Variants in ITGBL1 observed in about 807,000 individuals in gnomAD.
ITGBL1 encodes integrin subunit beta like 1.
Under a neutral mutation model 68.5 loss-of-function variants are expected in ITGBL1, and 51 were observed. The observed-to-expected ratio is 0.74, with a 90% CI of 0.59 to 0.94. The LOEUF (loss-of-function observed/expected upper bound fraction) is 0.94. Among genes scored for constraint, ITGBL1 ranks in the 40% least tolerant of loss-of-function variants. ITGBL1 has a pLI of 0.00. For missense variants in ITGBL1, 649 were observed against 647.4 expected (o/e 1.00, Z -0.03); for synonymous variants, 209 against 227.3 (o/e 0.92, Z 0.72).
intron 7 of ITGBL1, among the ~76,000 whole-genome samples, chr13:101,626,119 C>T (rs1477176730): frequency 6.6e-6 from 1 of 152,142 alleles, no homozygotes; most frequent in Non-Finnish European, 1.5e-5. Flanking sequence ...ACGGTATCAG[C>T]ATCAAATTGT....
intron 7 of ITGBL1, among the ~76,000 whole-genome samples, chr13:101,636,329 A>G (rs1418357087): frequency 6.6e-6 from 1 of 152,154 alleles, no homozygotes; most frequent in Non-Finnish European, 1.5e-5. Flanking sequence ...TAATACTCAA[A>G]CATATATCCA....
intron 6 of ITGBL1, among the ~76,000 whole-genome samples, chr13:101,590,980 T>G (rs960836949): frequency 5.9e-5 from 9 of 152,100 alleles, no homozygotes; most frequent in African/African-American, 2.2e-4. Flanking sequence ...CTCGGCTCAC[T>G]GCAACCTCCG....
chr13:101,657,049 G>A (rs917532270), intron 7 of ITGBL1, among the ~76,000 whole-genome samples: 3 of 151,450 alleles, frequency 2.0e-5, no homozygotes, highest in Non-Finnish European at 4.4e-5. Flanking sequence ...CTGGTGCGCT[G>A]CACCCACTAA....
At chr13:101,459,380 TTATG>T (rs1388589496) in intron 2 of ITGBL1, among the ~76,000 whole-genome samples, 3 of 152,342 alleles carry the variant, frequency 2.0e-5, no homozygotes, top group African/African-American at 7.2e-5. Context: ...GAGCATGATT[TTATG>T]TATGTATGTA....
chr13:101,599,651 A>G (rs899697838), intron 7 of ITGBL1, among the ~76,000 whole-genome samples: 3 of 152,056 alleles, frequency 2.0e-5, no homozygotes, highest in Non-Finnish European at 4.4e-5. Context: ...AGCTTTCTAC[A>G]TATGGCTAGC....
intron 8 of ITGBL1, among the ~76,000 whole-genome samples, chr13:101,693,797 G>A (rs1357962572): frequency 6.6e-6 from 1 of 152,052 alleles, no homozygotes; most frequent in Admixed American, 6.6e-5. Flanking sequence ...GTGAGTTGAG[G>A]GGAAAAGCCC....
intron 9 of ITGBL1, 145 bp downstream of exon 9, chr13:101,707,047 A>G: frequency 1.3e-6 from 1 of 761,014 alleles, no homozygotes; most frequent in Non-Finnish European, 2.0e-6. Flanking sequence ...TGAAGCTTGA[A>G]GATTAACCAA....
intron 7 of ITGBL1, among the ~76,000 whole-genome samples, chr13:101,605,738 A>G (rs202232578): frequency 1.5e-4 from 22 of 151,268 alleles, no homozygotes; most frequent in East Asian, 3.9e-4. Context: ...ACGTATGTAG[A>G]CATATGTATG....
intron 2 of ITGBL1, among the ~76,000 whole-genome samples, chr13:101,484,878 T>C (rs1349804264): frequency 6.6e-6 from 1 of 151,956 alleles, no homozygotes; most frequent in Non-Finnish European, 1.5e-5. Flanking sequence ...AGACGCTCAA[T>C]AAACTTGAAC....
At chr13:101,679,418 T>G (rs1226669554) in intron 7 of ITGBL1, among the ~76,000 whole-genome samples, 1 of 152,220 alleles carries the variant, frequency 6.6e-6, no homozygotes, top group African/African-American at 2.4e-5. Context: ...ATAGGACTTA[T>G]GTATTCAGAA....
intron 2 of ITGBL1, among the ~76,000 whole-genome samples, chr13:101,557,482 TTATAA>T (rs2050027056): frequency 6.6e-6 from 1 of 152,224 alleles, no homozygotes; most frequent in South Asian, 2.1e-4. Context: ...CATGCAATAA[TTATAA>T]TATCAGATAA....
chr13:101,634,082 G>A (rs573027145), intron 7 of ITGBL1, among the ~76,000 whole-genome samples: 2 of 152,186 alleles, frequency 1.3e-5, no homozygotes, highest in South Asian at 4.1e-4. Context: ...TAATCAATGG[G>A]CAGAATTAAT....
At chr13:101,498,175 G>A (rs1039274632) in intron 2 of ITGBL1, among the ~76,000 whole-genome samples, 6 of 151,420 alleles carry the variant, frequency 4.0e-5, no homozygotes, top group African/African-American at 1.2e-4. Flanking sequence ...TTCTGTATCC[G>A]AGACCTCATA....
At chr13:101,605,150 ATGTG>A (rs151117427) in intron 7 of ITGBL1, among the ~76,000 whole-genome samples, 1 of 118,754 alleles carries the variant, frequency 8.4e-6, no homozygotes, top group African/African-American at 3.6e-5. Context: ...ATATATACAT[ATGTG>A]TGTGTATATG....
At chr13:101,694,500 T>C (rs1442727847) in intron 8 of ITGBL1, among the ~76,000 whole-genome samples, 2 of 152,088 alleles carry the variant, frequency 1.3e-5, no homozygotes. Flanking sequence ...CAGAGCTCAC[T>C]GAAACCTCAA....
At chr13:101,619,065 T>G (rs907266625) in intron 7 of ITGBL1, among the ~76,000 whole-genome samples, 4 of 152,114 alleles carry the variant, frequency 2.6e-5, no homozygotes, top group African/African-American at 9.7e-5. Context: ...TACAACTGCA[T>G]TCAGGTTGAT....
intron 2 of ITGBL1, among the ~76,000 whole-genome samples, chr13:101,504,923 T>A (rs2049003425): frequency 6.6e-6 from 1 of 152,190 alleles, no homozygotes; most frequent in South Asian, 2.1e-4. Flanking sequence ...TCACACAGCC[T>A]TTTTGTACAA....
intron 2 of ITGBL1, among the ~76,000 whole-genome samples, chr13:101,489,140 A>T (rs1594841690): frequency 6.6e-6 from 1 of 152,244 alleles, no homozygotes; most frequent in South Asian, 2.1e-4. Context: ...ACTCTGTTTT[A>T]AAATGTGTTA....
At chr13:101,538,347 G>C (rs2049616174) in intron 2 of ITGBL1, among the ~76,000 whole-genome samples, 1 of 151,622 alleles carries the variant, frequency 6.6e-6, no homozygotes, top group Non-Finnish European at 1.5e-5. Context: ...TAGAAGTAAT[G>C]AATATGAGGA....
Sources: gnomAD v4.1 joint callset for allele counts (sites outside exome capture counted in the v4.1 genomes callset) on GRCh38, gnomAD v4.1.1 for gene constraint, MANE v1.5 for transcripts, NCBI Gene and HGNC (gene_info 2026-07-23, HGNC 2026-07-21) for gene names.